FAM13A: variants seen among roughly 807,000 people sequenced by gnomAD.
FAM13A encodes protein FAM13A.
FAM13A carries 76 observed loss-of-function variants against 129.6 expected under a neutral mutation model. The ratio of observed to expected loss-of-function variants is 0.59; its 90% confidence interval spans 0.49 to 0.71. The LOEUF (loss-of-function observed/expected upper bound fraction) is 0.71, where lower values mean the gene tolerates loss of function less well. FAM13A is among the 30% of genes least tolerant of loss of function. The pLI, the probability that FAM13A is intolerant of heterozygous loss-of-function variation, is 0.00. For synonymous variants in FAM13A, 443 were observed against 449.9 expected (o/e 0.98, Z 0.20); for missense variants, 1,108 against 1,249.3 (o/e 0.89, Z 1.70).
At chr4:88,785,667 A>C (rs1448763259) in intron 10 of FAM13A, among the ~76,000 whole-genome samples, 1 of 152,156 alleles carries the variant, frequency 6.6e-6, no homozygotes, top group Non-Finnish European at 1.5e-5. Context: ...AGATAAGGGG[A>C]GAGGGGTTGC....
At chr4:88,939,244 T>C (rs1258308830) in intron 4 of FAM13A, among the ~76,000 whole-genome samples, 1 of 152,154 alleles carries the variant, frequency 6.6e-6, no homozygotes, top group Non-Finnish European at 1.5e-5. Flanking sequence ...AGCTGTTCCT[T>C]GCCTCCCCTA....
chr4:89,020,879 T>C (rs948968218), intron 2 of FAM13A, among the ~76,000 whole-genome samples: 3 of 152,188 alleles, frequency 2.0e-5, no homozygotes, highest in Non-Finnish European at 4.4e-5. Flanking sequence ...AGATCATATA[T>C]GATTGGTATA....
chr4:89,053,823 C>T (rs1448327299), intron 1 of FAM13A, among the ~76,000 whole-genome samples: 2 of 152,156 alleles, frequency 1.3e-5, no homozygotes, highest in African/African-American at 4.8e-5. Context: ...TCTTCATCCA[C>T]TAGAATATGC....
At chr4:88,821,626 T>G (rs1416337681) in intron 7 of FAM13A, among the ~76,000 whole-genome samples, 5 of 152,198 alleles carry the variant, frequency 3.3e-5, no homozygotes, top group Non-Finnish European at 5.9e-5. Flanking sequence ...TTAAAACCCT[T>G]AAGAACTGAT....
chr4:88,799,671 G>C (rs1262953883), intron 8 of FAM13A, among the ~76,000 whole-genome samples: 1 of 152,108 alleles, frequency 6.6e-6, no homozygotes, highest in Non-Finnish European at 1.5e-5. Flanking sequence ...TTTTAGTAGA[G>C]ACTGGGTTTC....
In FAM13A at chr4:88,773,293, CTTGTAGGGCAAA is replaced by C. The variant is rs199782099; in HGVS notation, c.1459-5246_1459-5235del. On this transcript the variant is annotated intron_variant, in intron 11 of 23. Coordinates refer to ENST00000264344, the MANE Select transcript of FAM13A (RefSeq NM_014883.4). ...AACTGCTACCTCGTTTTTCTTCCCC[CTTGTAGGGCAAA>C]ACCTGTTCAAAGACCTTCCATACTG... Among the ~76,000 whole-genome samples the C allele has an allele frequency of 1.7e-3, 261 of 152,306 alleles. 6 individuals are homozygous for C. Among genetic ancestry groups the C allele is most frequent in the Admixed American group, 0.015 (223 of 15,292 alleles).
chr4:88,925,485 CAT>C (rs1481760166), intron 5 of FAM13A, among the ~76,000 whole-genome samples: 1 of 142,732 alleles, frequency 7.0e-6, no homozygotes, highest in African/African-American at 2.6e-5. Context: ...TGTTCTCACT[CAT>C]AGGTGGGAAT....
At chr4:88,925,945 A>T (rs1752077670) in intron 5 of FAM13A, among the ~76,000 whole-genome samples, 1 of 152,064 alleles carries the variant, frequency 6.6e-6, no homozygotes, top group Non-Finnish European at 1.5e-5. Flanking sequence ...GAGATGTCTC[A>T]GTTGGACCCG....
intron 6 of FAM13A, among the ~76,000 whole-genome samples, chr4:88,902,583 A>G (rs1747462072): frequency 6.6e-6 from 1 of 152,204 alleles, no homozygotes; most frequent in Non-Finnish European, 1.5e-5. Context: ...AACTTTGAAT[A>G]AACTAGGTAT....
intron 7 of FAM13A, among the ~76,000 whole-genome samples, chr4:88,835,087 A>G (rs1734591165): frequency 6.6e-6 from 1 of 152,160 alleles, no homozygotes; most frequent in African/African-American, 2.4e-5. Context: ...ATAGCCTACA[A>G]TGTAAAATCT....
intron 8 of FAM13A, among the ~76,000 whole-genome samples, chr4:88,797,734 C>T (rs1045888509): frequency 6.6e-6 from 1 of 152,154 alleles, no homozygotes; most frequent in Non-Finnish European, 1.5e-5. Context: ...TTTCCCTCCT[C>T]ATTTCAGCTG....
rs1401288464 is a variant in FAM13A at position 89,020,576 on chromosome 4, A to AGCTCCACGGGC, written c.300_310dup (p.Leu104ArgfsTer18). On this transcript the variant is annotated frameshift_variant, in exon 3 of 24. Coordinates refer to ENST00000264344, the MANE Select transcript of FAM13A (RefSeq NM_014883.4). LOFTEE classifies it high-confidence loss of function. ...TGAGCAGACATCACCGTCCTTCCCG[A>AGCTCCACGGGC]GCTCCACGGGCACTCCACTCTCGAA... 6 of 1,614,040 alleles carry AGCTCCACGGGC rather than the reference A, an allele frequency of 3.7e-6. No homozygotes were observed. In the South Asian group the frequency reaches 6.6e-5, roughly 18 times the overall value.
At chr4:88,787,180 C>G (rs1213950519) in intron 10 of FAM13A, among the ~76,000 whole-genome samples, 1 of 151,986 alleles carries the variant, frequency 6.6e-6, no homozygotes, top group Admixed American at 6.6e-5. Flanking sequence ...TAACACTATT[C>G]TTAAAATTCA....
chr4:89,015,174 T>G lies in FAM13A; in HGVS notation c.427+5286A>C, dbSNP rs563286010. On this transcript the variant is annotated intron_variant, in intron 3 of 23. Transcript: ENST00000264344. ...ACTGGTTGTCTGCTCTCAAACCCTG[T>G]CTCCTGATAAGATGTTACCAACGAC... Among the ~76,000 whole-genome samples the G allele has an allele frequency of 2.6e-4, 40 of 152,260 alleles. 1 individual carries two copies. The South Asian group carries it at 8.3e-3, about 32-fold the overall frequency.
intron 6 of FAM13A, among the ~76,000 whole-genome samples, chr4:88,876,007 T>C (rs1284028846): frequency 1.3e-5 from 2 of 152,138 alleles, no homozygotes; most frequent in African/African-American, 2.4e-5. Flanking sequence ...CGGATGAAGC[T>C]GGAAACCATC....
At chr4:89,040,798 G>T (rs1490911102) in intron 1 of FAM13A, among the ~76,000 whole-genome samples, 1 of 152,196 alleles carries the variant, frequency 6.6e-6, no homozygotes, top group African/African-American at 2.4e-5. Context: ...GTCTGTGGGG[G>T]TGTTGCCAAA....
intron 6 of FAM13A, among the ~76,000 whole-genome samples, chr4:88,905,500 C>G (rs1747999349): frequency 6.6e-6 from 1 of 152,028 alleles, no homozygotes; most frequent in South Asian, 2.1e-4. Context: ...ATTATCACAT[C>G]CCAGGTATTA....
At chr4:88,816,708 C>A (rs1300125779) in intron 7 of FAM13A, among the ~76,000 whole-genome samples, 1 of 152,166 alleles carries the variant, frequency 6.6e-6, no homozygotes, top group Non-Finnish European at 1.5e-5. Context: ...CAAATACATG[C>A]CATGATCATC....
chr4:88,739,494 G>A (rs1007154832), intron 19 of FAM13A, among the ~76,000 whole-genome samples: 19 of 151,822 alleles, frequency 1.3e-4, no homozygotes, highest in African/African-American at 4.6e-4. Context: ...TATCATGTAG[G>A]CCAAGCATGG....
Sources: allele counts gnomAD v4.1 joint callset (sites outside exome capture counted in the v4.1 genomes callset), GRCh38; gene constraint gnomAD v4.1.1; transcripts MANE v1.5; gene names NCBI Gene and HGNC (gene_info 2026-07-23, HGNC 2026-07-21).